The following PLCL1 variants were observed in gnomAD, a reference collection of about 807,000 sequenced individuals.
PLCL1 encodes the protein inactive phospholipase C-like protein 1.
PLCL1 carries 41 observed loss-of-function variants against 84.4 expected under a neutral mutation model. That is an observed-to-expected ratio of 0.49 (90% CI 0.38 to 0.63). The LOEUF (loss-of-function observed/expected upper bound fraction) is 0.63, where lower values mean the gene tolerates loss of function less well. Among genes scored for constraint, PLCL1 ranks in the 30% least tolerant of loss-of-function variants. PLCL1 has a pLI of 0.00. For synonymous variants in PLCL1, 490 were observed against 488.3 expected, an observed-to-expected ratio of 1.00 and a Z score of -0.05; for missense variants, 1,206 against 1,367.8, an observed-to-expected ratio of 0.88 and a Z score of 1.87.
At chr2:197,898,287 G>T (rs1363040297) in intron 1 of PLCL1, among the ~76,000 whole-genome samples, 1 of 152,202 alleles carries the variant, frequency 6.6e-6, no homozygotes, top group Admixed American at 6.5e-5. Flanking sequence ...GGGCTCAAGG[G>T]TCTTGATAGA....
intron 1 of PLCL1, among the ~76,000 whole-genome samples, chr2:197,921,723 C>T (rs1184673334): frequency 1.3e-5 from 2 of 152,176 alleles, no homozygotes; most frequent in African/African-American, 4.8e-5. Flanking sequence ...ACATACACTT[C>T]TTTGAGTTTA....
In PLCL1 at chr2:197,805,194, A is replaced by C; in HGVS notation, c.95A>C (p.Asp32Ala). ...CGAGTGGGCCCGGATGCCGCCGGGG[A>C]CTGCGTGACGGCGGCCTCTGGGGGC... ...DPRVGPDAAGDCVTAASGGRM... is the reference protein window; with the variant it reads ...DPRVGPDAAGACVTAASGGRM... The change falls in exon 1 of 6, where the codon GAC becomes GCC. Residue 32 changes from aspartate to alanine, a missense_variant. By Grantham distance (126) the Asp-to-Ala change is moderately radical (BLOSUM62 -2). Coordinates refer to ENST00000428675, the MANE Select transcript of PLCL1 (RefSeq NM_006226.4). The surrounding 1 kb of genome is among the most constrained non-coding windows in gnomAD (Gnocchi z 4.0). 1 of 1,277,918 alleles carries C rather than the reference A, an allele frequency of 7.8e-7. No homozygotes were observed. Among genetic ancestry groups the C allele is most frequent in the Non-Finnish European group, 9.9e-7 (1 of 1,014,440 alleles). The allele number at this position is 1,277,918 out of a possible 1,614,324, so 79.2% of individuals were successfully genotyped here.
intron 1 of PLCL1, among the ~76,000 whole-genome samples, chr2:197,806,969 G>A (rs1372314230): frequency 6.6e-6 from 1 of 152,180 alleles, no homozygotes; most frequent in Admixed American, 6.5e-5. Flanking sequence ...GAGTAATGGT[G>A]CCTCTTTTGT....
At chr2:197,866,125 CTA>C (rs557083955) in intron 1 of PLCL1, among the ~76,000 whole-genome samples, 119 of 7,326 alleles carry the variant, frequency 0.016, 31 homozygotes, top group Middle Eastern at 0.17. Context: ...TATATATAAA[CTA>C]TATATATATA....
intron 1 of PLCL1, among the ~76,000 whole-genome samples, chr2:197,834,029 G>GAC (rs1471895364): frequency 6.6e-6 from 1 of 152,166 alleles, no homozygotes; most frequent in Non-Finnish European, 1.5e-5. Flanking sequence ...ACAGCCATCT[G>GAC]ATCTTTGACA....
At chr2:197,960,738 G>A (rs13408411) in intron 1 of PLCL1, among the ~76,000 whole-genome samples, 109,342 of 151,940 alleles carry the variant, frequency 0.72, 40,259 homozygotes, top group African/African-American at 0.87. Context: ...GTCTATGGCC[G>A]TTTTTGGGGG....
intron 1 of PLCL1, among the ~76,000 whole-genome samples, chr2:197,933,462 G>A (rs1194724823): frequency 6.6e-6 from 1 of 151,702 alleles, no homozygotes; most frequent in Non-Finnish European, 1.5e-5. Flanking sequence ...ACGGGGTTTC[G>A]CCGTGTTAGC....
At chr2:197,926,886 T>A (rs904391631) in intron 1 of PLCL1, among the ~76,000 whole-genome samples, 1 of 152,198 alleles carries the variant, frequency 6.6e-6, no homozygotes, top group African/African-American at 2.4e-5. Flanking sequence ...GCAGGGATTA[T>A]CTGAAGGCTT....
chr2:197,976,536 C>T (rs568903125), intron 1 of PLCL1, among the ~76,000 whole-genome samples: 56 of 152,188 alleles, frequency 3.7e-4, no homozygotes, highest in Non-Finnish European at 7.5e-4. Flanking sequence ...GCAACCTCTG[C>T]CTCCTGGATT....
At chr2:197,812,130 G>A (rs558899143) in intron 1 of PLCL1, among the ~76,000 whole-genome samples, 2 of 152,196 alleles carry the variant, frequency 1.3e-5, no homozygotes, top group Non-Finnish European at 2.9e-5. Flanking sequence ...CCATGTTGCT[G>A]CAAAGCACAT....
intron 1 of PLCL1, among the ~76,000 whole-genome samples, chr2:197,922,422 A>G (rs1356287417): frequency 2.8e-5 from 3 of 108,524 alleles, no homozygotes; most frequent in Non-Finnish European, 5.9e-5. Flanking sequence ...CTTTCTACAC[A>G]GACACGGCAA....
intron 1 of PLCL1, among the ~76,000 whole-genome samples, chr2:197,991,488 T>C (rs1690345954): frequency 6.6e-6 from 1 of 152,166 alleles, no homozygotes; most frequent in Non-Finnish European, 1.5e-5. Context: ...CTCTGACAAA[T>C]ACAGATGGTC....
chr2:197,805,414 G>A lies in PLCL1; in HGVS notation c.240+75G>A. 8.1e-7 allele frequency: 1 copy of A among 1,234,296 alleles called. No homozygotes were observed. 76.5% of individuals were successfully genotyped at this position (1,234,296 alleles called of 1,614,324 possible). On this transcript the variant is annotated intron_variant, in intron 1 of 5. Transcript: ENST00000428675. This position sits in a 1 kb window ranked among gnomAD's most constrained non-coding sequence, Gnocchi z 4.0. ...GTCAGGGACCCGGGCAGGATGTGCG[G>A]TGTCCGGAGGCATCCGGGCTCAGCA...
At chr2:198,028,324 TA>T (rs1559079045) in intron 1 of PLCL1, among the ~76,000 whole-genome samples, 1 of 152,150 alleles carries the variant, frequency 6.6e-6, no homozygotes, top group African/African-American at 2.4e-5. Context: ...TTTTTAAGAC[TA>T]AAACATTTTC....
chr2:198,093,301 T>C (rs1693098247), intron 3 of PLCL1, among the ~76,000 whole-genome samples: 1 of 152,170 alleles, frequency 6.6e-6, no homozygotes, highest in African/African-American at 2.4e-5. Flanking sequence ...CTTTAGCTAA[T>C]AAGAATGTAT....
intron 1 of PLCL1, among the ~76,000 whole-genome samples, chr2:197,880,477 G>T (rs1398841076): frequency 6.6e-6 from 1 of 152,064 alleles, no homozygotes. Flanking sequence ...TTTGATAACT[G>T]CTTTTTTACT....
At chr2:197,873,221 A>T (rs1392465705) in intron 1 of PLCL1, among the ~76,000 whole-genome samples, 1 of 152,014 alleles carries the variant, frequency 6.6e-6, no homozygotes, top group African/African-American at 2.4e-5. Context: ...TACACATATC[A>T]CAAACACATG....
chr2:198,030,358 ACT>A (rs1394167697), intron 1 of PLCL1, among the ~76,000 whole-genome samples: 9 of 152,092 alleles, frequency 5.9e-5, no homozygotes, highest in Non-Finnish European at 1.2e-4. Context: ...GGTGGGTAAC[ACT>A]GCCCGGTGAT....
chr2:197,923,352 C>T (rs1212017238), intron 1 of PLCL1, among the ~76,000 whole-genome samples: 1 of 147,484 alleles, frequency 6.8e-6, no homozygotes, highest in African/African-American at 2.5e-5. Flanking sequence ...AGGCTCCTCA[C>T]TTCTCAGACG....
Sources: gnomAD v4.1 joint callset for allele counts (sites outside exome capture counted in the v4.1 genomes callset) on GRCh38, gnomAD v4.1.1 for gene constraint, Gnocchi (gnomAD v3.1) non-coding constraint, MANE v1.5 for transcripts, NCBI Gene and HGNC (gene_info 2026-07-23, HGNC 2026-07-21) for gene names.